Variants in CDH4 observed in about 807,000 individuals in gnomAD.
The protein encoded by CDH4 is cadherin 4, also known as cadherin-4.
Under a neutral mutation model 86.0 loss-of-function variants are expected in CDH4, and 33 were observed. The ratio of observed to expected loss-of-function variants is 0.38; its 90% confidence interval spans 0.29 to 0.51. The LOEUF is 0.51. Ranked by LOEUF, CDH4 falls within the 20% of genes least tolerant of loss-of-function variation. The pLI is 0.86. For missense variants in CDH4, 1,114 were observed against 1,307.4 expected (o/e 0.85, Z 2.28); for synonymous variants, 555 against 549.4 (o/e 1.01, Z -0.14).
rs1384196084 is a variant in CDH4, at chr20:61,879,204, C to G, written c.1050+5304C>G. On this transcript the variant is annotated intron_variant, in intron 7 of 15. Transcript: ENST00000614565. The surrounding 1 kb of genome is among the most constrained non-coding windows in gnomAD (Gnocchi z 4.1). ...CCTTCACCCAGCAGAGCCACTGCCC[C>G]CCTGGGCCCAGGCCTGCTGAGCCCG... 6.6e-6 allele frequency among the ~76,000 whole-genome samples: 1 copy of G among 152,216 alleles called. No individual in the cohort carries two copies. Among genetic ancestry groups the G allele is most frequent in the Non-Finnish European group, 1.5e-5 (1 of 68,046 alleles).
At position 61,676,729 on chromosome 20, in the gene CDH4, C is replaced by T. The variant is rs2087448451; in HGVS notation, c.170-66834C>T. On this transcript the variant is annotated intron_variant, in intron 2 of 15. Coordinates refer to ENST00000614565, the MANE Select transcript of CDH4 (RefSeq NM_001794.5). This position sits in a 1 kb window ranked among gnomAD's most constrained non-coding sequence, Gnocchi z 4.5. ...CCAGATGATAAACCTTGATGTAATA[C>T]AAATGTAAATGATGCTGCATTTCAG... 1.3e-5 allele frequency among the ~76,000 whole-genome samples: 2 copies of T among 152,214 alleles called. No individual in the cohort carries two copies. Among genetic ancestry groups the T allele is most frequent in the Non-Finnish European group, 2.9e-5 (2 of 68,052 alleles).
chr20:61,916,877 C>T (rs1201327399), intron 9 of CDH4, among the ~76,000 whole-genome samples: 9 of 152,198 alleles, frequency 5.9e-5, no homozygotes, highest in Admixed American at 5.2e-4. Context: ...TAGCTGGGTC[C>T]CCCCAGGTGG....
At position 61,451,688 on chromosome 20, in the gene CDH4, AGAGAG is replaced by A. The variant is rs559716841; in HGVS notation, c.169+196758_169+196762del. On this transcript the variant is annotated intron_variant, in intron 2 of 15. Transcript: ENST00000614565. Reference sequence around the variant, plus strand: ...AAGGTGGGAGGGAGGAGGGCACTAAAGAGAGGAGAGGGGAAGGAGGAGGAGGGGGT... The same window carrying A: ...AAGGTGGGAGGGAGGAGGGCACTAAAGAGAGGGGAAGGAGGAGGAGGGGGT... 2.6e-4 allele frequency among the ~76,000 whole-genome samples: 39 copies of A among 152,036 alleles called. No homozygotes were observed. In the South Asian group the frequency reaches 6.5e-3, roughly 25 times the overall value.
intron 2 of CDH4, among the ~76,000 whole-genome samples, chr20:61,423,565 A>G (rs1316779481): frequency 6.6e-6 from 1 of 152,098 alleles, no homozygotes; most frequent in Admixed American, 6.5e-5. Context: ...TGAACTTAGC[A>G]TTGACTTTTG....
chr20:61,773,028 C>T lies in CDH4; in HGVS notation c.422C>T (p.Ala141Val), dbSNP rs34937312. ...HKPQKGKKVV[A>V]LDPSPPPKDT... ...CCGCAGAAAGGAAAGAAGGTCGTGG[C>T]TCTGGACCCCTCTCCGCCTCCGAAG... The change falls in exon 4 of 16, where the codon GCT becomes GTT. Residue 141 changes from alanine (A) to valine (V), a missense_variant. Physicochemically the swap from Ala to Val is moderately conservative, Grantham distance 64 (BLOSUM62 0). Transcript: ENST00000614565. 0.041 allele frequency: 66,469 copies of T among 1,613,048 alleles called. 1,502 individuals carry two copies. The highest frequency in any genetic ancestry group is 0.045 in the Non-Finnish European group (53,584 of 1,179,300).
chr20:61,926,910 G>T (rs768348535), intron 11 of CDH4, among the ~76,000 whole-genome samples: 29 of 152,252 alleles, frequency 1.9e-4, no homozygotes, highest in Admixed American at 3.3e-4. Flanking sequence ...TTGTGAGGCC[G>T]CAGCTGGAAC....
At chr20:61,846,785 T>C (rs1200005582) in intron 5 of CDH4, among the ~76,000 whole-genome samples, 1 of 152,164 alleles carries the variant, frequency 6.6e-6, no homozygotes, top group African/African-American at 2.4e-5. Context: ...AAGGCAGACT[T>C]GGAGCGGGGT....
chr20:61,398,904 A>G (rs1400591374), intron 2 of CDH4, among the ~76,000 whole-genome samples: 2 of 152,204 alleles, frequency 1.3e-5, no homozygotes, highest in African/African-American at 2.4e-5. Context: ...GCCACAGCCC[A>G]GTCCTGTAGG....
At chr20:61,620,463 T>C (rs982747959) in intron 2 of CDH4, among the ~76,000 whole-genome samples, 49 of 151,764 alleles carry the variant, frequency 3.2e-4, no homozygotes, top group African/African-American at 9.9e-4. Context: ...GATTGATAGA[T>C]GATGGATGGA....
At chr20:61,693,787 A>G (rs932514054) in intron 2 of CDH4, among the ~76,000 whole-genome samples, 6 of 150,770 alleles carry the variant, frequency 4.0e-5, no homozygotes, top group African/African-American at 1.2e-4. Context: ...CCATAATTGT[A>G]TGAGGCAGGA....
chr20:61,268,024 C>T (rs528963986), intron 2 of CDH4, among the ~76,000 whole-genome samples: 30 of 152,312 alleles, frequency 2.0e-4, no homozygotes, highest in African/African-American at 6.7e-4. Context: ...TGATTGCAGA[C>T]GTGGGTCTGG....
chr20:61,928,657 G>A (rs1014322435), intron 12 of CDH4, among the ~76,000 whole-genome samples: 13 of 152,210 alleles, frequency 8.5e-5, no homozygotes, highest in Non-Finnish European at 1.0e-4. Context: ...GAGGCCAGCC[G>A]TGAACATCCT....
At chr20:61,873,701 C>T in intron 6 of CDH4, 27 bp from the exon 7 acceptor site, 1 of 1,603,952 alleles carries the variant, frequency 6.2e-7, no homozygotes, top group Non-Finnish European at 8.5e-7. Flanking sequence ...CAGGCCATCC[C>T]CATCTGAGCT....
intron 4 of CDH4, among the ~76,000 whole-genome samples, chr20:61,818,690 TA>T (rs749117643): frequency 0.021 from 3,008 of 142,772 alleles, 93 homozygotes; most frequent in African/African-American, 0.067. Flanking sequence ...ACTAAAAATT[TA>T]AAAAAAAAAA....
chr20:61,557,839 G>A (rs1214781544), intron 2 of CDH4, among the ~76,000 whole-genome samples: 3 of 147,476 alleles, frequency 2.0e-5, no homozygotes, highest in South Asian at 2.2e-4. Context: ...CTAGTTATAC[G>A]ATAATGACGC....
chr20:61,536,687 A>G (rs6142655), intron 2 of CDH4, among the ~76,000 whole-genome samples: 31,930 of 152,198 alleles, frequency 0.21, 4,262 homozygotes, highest in East Asian at 0.4. Context: ...ATGTGCATAC[A>G]TACGTCTAGG....
intron 6 of CDH4, among the ~76,000 whole-genome samples, chr20:61,868,678 A>G (rs375791895): frequency 1.0e-5 from 1 of 97,772 alleles, no homozygotes; most frequent in African/African-American, 3.5e-5. Context: ...TCCCCTCCAC[A>G]CTGGCCGGGT....
intron 4 of CDH4, among the ~76,000 whole-genome samples, chr20:61,797,968 C>T (rs1979623691): frequency 6.6e-6 from 1 of 152,202 alleles, no homozygotes; most frequent in African/African-American, 2.4e-5. Flanking sequence ...GGGGACAGTG[C>T]TTGCTCATCC....
At chr20:61,342,227 G>C (rs1022052005) in intron 2 of CDH4, among the ~76,000 whole-genome samples, 1 of 152,212 alleles carries the variant, frequency 6.6e-6, no homozygotes, top group Non-Finnish European at 1.5e-5. Flanking sequence ...ATCAGGGGTA[G>C]GGAATGGTCT....
Sources: gnomAD v4.1 joint callset for allele counts (sites outside exome capture counted in the v4.1 genomes callset) on GRCh38, gnomAD v4.1.1 for gene constraint, Gnocchi (gnomAD v3.1) non-coding constraint, MANE v1.5 for transcripts, NCBI Gene and HGNC (gene_info 2026-07-23, HGNC 2026-07-21) for gene names.